Variants in CDH18 observed in about 807,000 individuals in gnomAD.
CDH18 encodes the protein cadherin-18.
Under a neutral mutation model 67.9 loss-of-function variants are expected in CDH18, and 31 were observed. That is an observed-to-expected ratio of 0.46 (90% CI 0.34 to 0.62). The LOEUF is 0.62. Ranked by LOEUF, CDH18 falls within the 20% of genes least tolerant of loss-of-function variation. The pLI is 0.01. For missense variants in CDH18, 890 were observed against 975.5 expected (o/e 0.91, Z 1.17); for synonymous variants, 362 against 347.2 (o/e 1.04, Z -0.48).
intron 1 of CDH18, among the ~76,000 whole-genome samples, chr5:20,482,620 T>C (rs910386906): frequency 2.5e-4 from 38 of 152,130 alleles, no homozygotes; most frequent in Non-Finnish European, 1.5e-4. Flanking sequence ...TGGTTCAACA[T>C]ACACAAATTA....
chr5:20,468,242 C>T (rs935234380), intron 1 of CDH18, among the ~76,000 whole-genome samples: 5 of 152,064 alleles, frequency 3.3e-5, no homozygotes, highest in Admixed American at 2.0e-4. Flanking sequence ...TCTTGAAATC[C>T]TGACCTCAAG....
At chr5:19,548,157 A>G (rs540922614) in intron 8 of CDH18, among the ~76,000 whole-genome samples, 92 of 152,312 alleles carry the variant, frequency 6.0e-4, no homozygotes, top group African/African-American at 2.2e-3. Flanking sequence ...ATGAATGTAT[A>G]TATCAATATT....
At chr5:20,112,606 T>C (rs916757472) in intron 2 of CDH18, among the ~76,000 whole-genome samples, 2 of 151,952 alleles carry the variant, frequency 1.3e-5, no homozygotes, top group Non-Finnish European at 2.9e-5. Flanking sequence ...CCCAGCTACT[T>C]GGGAGGCCGA....
intron 8 of CDH18, among the ~76,000 whole-genome samples, chr5:19,560,190 A>T (rs1311945086): frequency 6.6e-6 from 1 of 152,086 alleles, no homozygotes; most frequent in Admixed American, 6.5e-5. Context: ...ACCAAAAGAG[A>T]GCCTGCATAG....
chr5:20,179,092 G>C (rs1737478236), intron 2 of CDH18, among the ~76,000 whole-genome samples: 1 of 151,936 alleles, frequency 6.6e-6, no homozygotes, highest in South Asian at 2.1e-4. Flanking sequence ...ATCGTGAAGA[G>C]GTAAATAATT....
At chr5:20,505,722 C>T (rs1754615985) in intron 1 of CDH18, among the ~76,000 whole-genome samples, 2 of 152,192 alleles carry the variant, frequency 1.3e-5, no homozygotes, top group Non-Finnish European at 2.9e-5. Context: ...TGGACTGTCA[C>T]ACAGATCTGG....
chr5:19,919,960 ATAG>A (rs1452657047), intron 2 of CDH18, among the ~76,000 whole-genome samples: 1 of 152,156 alleles, frequency 6.6e-6, no homozygotes, highest in African/African-American at 2.4e-5. Flanking sequence ...CTATATCTAG[ATAG>A]TAGTCATTTC....
At chr5:19,719,507 C>T (rs926488024) in intron 5 of CDH18, among the ~76,000 whole-genome samples, 9 of 151,852 alleles carry the variant, frequency 5.9e-5, no homozygotes, top group Admixed American at 2.6e-4. Context: ...TAAAGAATGG[C>T]GAGCTTTTCA....
chr5:20,533,063 T>A (rs957806661), intron 1 of CDH18, among the ~76,000 whole-genome samples: 4 of 152,032 alleles, frequency 2.6e-5, no homozygotes, highest in African/African-American at 9.7e-5. Flanking sequence ...TTGGCCGTAT[T>A]AACTCATGTC....
Position 19,675,129 on chromosome 5 carries a change from G to T in CDH18, c.643+46218C>A, listed in dbSNP as rs143305588. On this transcript the variant is annotated intron_variant, in intron 5 of 12. Transcript: ENST00000382275. ...TTTTTATTAGTGATTTTCAAAAGGG[G>T]AGGGAGTGTACGAATAGGGTGTGGG... 3.3e-4 allele frequency among the ~76,000 whole-genome samples: 50 copies of T among 152,184 alleles called. No individual in the cohort carries two copies. The East Asian group carries it at 7.4e-3, about 22-fold the overall frequency.
chr5:20,283,759 C>T (rs1372129992), intron 1 of CDH18, among the ~76,000 whole-genome samples: 1 of 151,856 alleles, frequency 6.6e-6, no homozygotes, highest in African/African-American at 2.4e-5. Context: ...AGGTATATAC[C>T]CAAAATAAAG....
At chr5:20,419,913 A>G (rs1338888487) in intron 1 of CDH18, among the ~76,000 whole-genome samples, 3 of 151,134 alleles carry the variant, frequency 2.0e-5, no homozygotes, top group African/African-American at 7.4e-5. Context: ...TTGTTCAGAA[A>G]AAACGACAGA....
intron 2 of CDH18, among the ~76,000 whole-genome samples, chr5:19,869,991 T>C (rs757505722): frequency 6.6e-6 from 1 of 152,130 alleles, no homozygotes; most frequent in Non-Finnish European, 1.5e-5. Context: ...GTTGTAAACA[T>C]CATATAAAAT....
intron 1 of CDH18, among the ~76,000 whole-genome samples, chr5:20,309,010 C>G (rs977264426): frequency 3.3e-5 from 5 of 152,078 alleles, no homozygotes; most frequent in African/African-American, 9.7e-5. Context: ...AGGATTGGCT[C>G]TAATCATAAA....
intron 2 of CDH18, among the ~76,000 whole-genome samples, chr5:19,955,590 G>T (rs1027580534): frequency 4.6e-5 from 7 of 151,958 alleles, no homozygotes; most frequent in African/African-American, 1.7e-4. Flanking sequence ...CTATAATAGA[G>T]TGCCCAGGCA....
intron 1 of CDH18, among the ~76,000 whole-genome samples, chr5:20,400,472 C>A (rs1745662516): frequency 1.3e-5 from 2 of 150,578 alleles, no homozygotes; most frequent in African/African-American, 4.9e-5. Flanking sequence ...AGCAAGGCTT[C>A]ATCTCAAAAT....
At chr5:19,879,176 A>AT (rs1561495061) in intron 2 of CDH18, among the ~76,000 whole-genome samples, 1 of 151,946 alleles carries the variant, frequency 6.6e-6, no homozygotes, top group Admixed American at 6.6e-5. Context: ...AGCAGAATCA[A>AT]TTTTTTTAAA....
chr5:20,212,908 A>AT (rs1319753571), intron 2 of CDH18, among the ~76,000 whole-genome samples: 1 of 151,858 alleles, frequency 6.6e-6, no homozygotes, highest in Non-Finnish European at 1.5e-5. Context: ...CCATATCAGC[A>AT]TTTTTTTACT....
intron 1 of CDH18, among the ~76,000 whole-genome samples, chr5:20,341,338 A>G (rs2150043636): frequency 6.6e-6 from 1 of 152,166 alleles, no homozygotes; most frequent in South Asian, 2.1e-4. Flanking sequence ...CTAGCCTCCC[A>G]GCCTACATTT....
Sources: allele counts gnomAD v4.1 joint callset (sites outside exome capture counted in the v4.1 genomes callset), GRCh38; gene constraint gnomAD v4.1.1; transcripts MANE v1.5; gene names NCBI Gene and HGNC (gene_info 2026-07-23, HGNC 2026-07-21).